The following MAPK10 variants were observed in gnomAD, a reference collection of about 807,000 sequenced individuals.
MAPK10 encodes JNK3 alpha protein kinase.
MAPK10 carries 25 observed loss-of-function variants against 59.3 expected under a neutral mutation model. That is an observed-to-expected ratio of 0.42 (90% CI 0.31 to 0.59). MAPK10 has a LOEUF of 0.59. MAPK10 is among the 20% of genes least tolerant of loss of function. MAPK10 has a pLI of 0.15. For missense variants in MAPK10, 351 were observed against 568.9 expected (o/e 0.62, Z 3.90); for synonymous variants, 190 against 200.5 (o/e 0.95, Z 0.44).
chr4:86,019,769 G>A (rs1297684492), intron 13 of MAPK10, among the ~76,000 whole-genome samples: 4 of 152,100 alleles, frequency 2.6e-5, no homozygotes, highest in Non-Finnish European at 5.9e-5. Flanking sequence ...CTATTATAAA[G>A]GCCTGATCAA....
chr4:86,136,232 G>C (rs970609713), intron 4 of MAPK10, among the ~76,000 whole-genome samples: 6 of 152,050 alleles, frequency 3.9e-5, no homozygotes, highest in Non-Finnish European at 8.8e-5. Context: ...ACACATAATT[G>C]TCAGATTCAC....
intron 13 of MAPK10, chr4:86,027,261 A>G (rs1484527576): frequency 6.6e-6 from 1 of 152,228 alleles, no homozygotes; most frequent in Non-Finnish European, 1.5e-5. Flanking sequence ...AGTTTAGGGC[A>G]TATGTATTAC....
At chr4:86,103,138 C>A (rs1580299292) in intron 6 of MAPK10, 48 bp downstream of exon 6, 1 of 1,233,020 alleles carries the variant, frequency 8.1e-7, no homozygotes, top group East Asian at 2.4e-5. Context: ...TTCCCTTGGG[C>A]TATCTGAGTG....
intron 2 of MAPK10, among the ~76,000 whole-genome samples, chr4:86,303,334 T>G (rs1045467955): frequency 2.0e-5 from 3 of 152,220 alleles, no homozygotes; most frequent in Non-Finnish European, 4.4e-5. Context: ...CCATTACCCT[T>G]TTCTGTGACT....
At chr4:86,019,252 T>C (rs1041601447) in intron 13 of MAPK10, among the ~76,000 whole-genome samples, 5 of 152,214 alleles carry the variant, frequency 3.3e-5, no homozygotes, top group Non-Finnish European at 7.3e-5. Flanking sequence ...TTTTAATATG[T>C]ATTTTTTTGG....
intron 4 of MAPK10, among the ~76,000 whole-genome samples, chr4:86,139,782 A>T (rs570637196): frequency 6.6e-6 from 1 of 151,910 alleles, no homozygotes; most frequent in East Asian, 1.9e-4. Context: ...CAACCTACTC[A>T]TCTGACAAAG....
In MAPK10 at chr4:86,259,326, T is replaced by A. The variant is rs567005307; in HGVS notation, c.-6-64919A>T. On this transcript the variant is annotated intron_variant, in intron 2 of 13. Transcript: ENST00000641462. The stretch of plus-strand genomic sequence containing the variant: ...CATATATCTAATGTCTTCTTAAACA[T>A]CTACATTTGGAGGTCCCACAGACAA... 1.4e-4 allele frequency among the ~76,000 whole-genome samples: 22 copies of A among 152,260 alleles called. No individual in the cohort carries two copies. In the East Asian group the frequency reaches 4.2e-3, roughly 29 times the overall value.
intron 1 of MAPK10, among the ~76,000 whole-genome samples, chr4:86,392,156 T>C (rs1742284520): frequency 6.6e-6 from 1 of 152,110 alleles, no homozygotes; most frequent in African/African-American, 2.4e-5. Context: ...ATTCAGCGTA[T>C]GGCCAGGCGC....
At chr4:86,226,819 G>C (rs1056579506) in intron 2 of MAPK10, among the ~76,000 whole-genome samples, 10 of 152,170 alleles carry the variant, frequency 6.6e-5, no homozygotes, top group African/African-American at 9.7e-5. Context: ...CATTTCCATA[G>C]TGAGAATGAA....
intron 2 of MAPK10, among the ~76,000 whole-genome samples, chr4:86,203,457 GT>G: frequency 6.6e-6 from 1 of 151,592 alleles, no homozygotes; most frequent in South Asian, 2.1e-4. Flanking sequence ...AAATCAAATT[GT>G]TCTGGGCAGC....
intron 1 of MAPK10, among the ~76,000 whole-genome samples, chr4:86,355,919 C>T (rs998509583): frequency 4.6e-5 from 7 of 152,172 alleles, no homozygotes; most frequent in Non-Finnish European, 1.0e-4. Context: ...TTTCAGAAAG[C>T]ACATAGGGCA....
At chr4:86,217,656 T>C (rs2088109488) in intron 2 of MAPK10, among the ~76,000 whole-genome samples, 1 of 152,214 alleles carries the variant, frequency 6.6e-6, no homozygotes, top group South Asian at 2.1e-4. Context: ...GGTTTGTATA[T>C]GTACACATGT....
intron 1 of MAPK10, among the ~76,000 whole-genome samples, chr4:86,365,431 CAAAAAAAAAAAAAAAAAAA>C (rs70948789): frequency 4.0e-4 from 13 of 32,438 alleles, no homozygotes; most frequent in South Asian, 2.4e-3. Context: ...GACTCTGTCT[CAAAAAAAAAAAAAAAAAAA>C]AAAAAAAAAA....
intron 2 of MAPK10, among the ~76,000 whole-genome samples, chr4:86,222,774 T>A (rs562500887): frequency 6.6e-6 from 1 of 152,218 alleles, no homozygotes; most frequent in Admixed American, 6.5e-5. Context: ...CACCCCCTAA[T>A]AGACTTTTAC....
At chr4:86,505,245 T>G (rs1173747772) in intron 1 of MAPK10, among the ~76,000 whole-genome samples, 1 of 152,164 alleles carries the variant, frequency 6.6e-6, no homozygotes, top group African/African-American at 2.4e-5. Flanking sequence ...TAAGTTTCCT[T>G]TCAGCATCAT....
At chr4:86,583,951 A>G (rs183959113) in intron 1 of MAPK10, among the ~76,000 whole-genome samples, 42 of 152,292 alleles carry the variant, frequency 2.8e-4, no homozygotes, top group African/African-American at 9.4e-4. Flanking sequence ...TCTCAAAGAA[A>G]GGGCTGGTGA....
At chr4:86,152,982 A>G (rs562723001) in intron 4 of MAPK10, among the ~76,000 whole-genome samples, 14 of 152,300 alleles carry the variant, frequency 9.2e-5, no homozygotes, top group Admixed American at 4.6e-4. Flanking sequence ...TTAACTTGTT[A>G]GATATTTATA....
intron 2 of MAPK10, among the ~76,000 whole-genome samples, chr4:86,231,673 A>G (rs989119358): frequency 1.3e-5 from 2 of 152,082 alleles, no homozygotes; most frequent in Non-Finnish European, 2.9e-5. Context: ...AAAAAAGAAA[A>G]AAGAAAAAAG....
rs2092654930 is a variant in MAPK10 at position 86,240,610 on chromosome 4, T to C, written c.-6-46203A>G. Among the ~76,000 whole-genome samples the C allele has an allele frequency of 2.6e-5, 4 of 152,226 alleles. No homozygotes were observed. In the South Asian group the frequency reaches 8.3e-4, roughly 31 times the overall value. ...TATGTAATGCCCTTTTTTGTCTTTT[T>C]GGATCTTTGTTGGTTGAAAGTCTGT... On this transcript the variant is annotated intron_variant, in intron 2 of 13. Coordinates refer to ENST00000641462, the MANE Select transcript of MAPK10 (RefSeq NM_138982.4).
Sources: allele counts gnomAD v4.1 joint callset (sites outside exome capture counted in the v4.1 genomes callset), GRCh38; gene constraint gnomAD v4.1.1; transcripts MANE v1.5; gene names NCBI Gene and HGNC (gene_info 2026-07-23, HGNC 2026-07-21).